INPP5A: variants seen among roughly 807,000 people sequenced by gnomAD.
INPP5A encodes the protein inositol polyphosphate-5-phosphatase A.
INPP5A carries 14 observed loss-of-function variants against 65.2 expected under a neutral mutation model. The observed-to-expected ratio is 0.21, with a 90% CI of 0.14 to 0.34. INPP5A has a LOEUF of 0.34. Ranked by LOEUF, INPP5A falls within the 10% of genes least tolerant of loss-of-function variation. The probability of loss-of-function intolerance (pLI) is 1.00; values close to 1 mark genes in which losing one functional copy is unlikely to be tolerated. For synonymous variants in INPP5A, 207 were observed against 208.3 expected, an observed-to-expected ratio of 0.99 and a Z score of 0.05; for missense variants, 431 against 545.6, an observed-to-expected ratio of 0.79 and a Z score of 2.09.
chr10:132,758,553 C>T (rs925260259), intron 11 of INPP5A, among the ~76,000 whole-genome samples: 1 of 151,620 alleles, frequency 6.6e-6, no homozygotes, highest in Admixed American at 6.6e-5. Flanking sequence ...CCCCAGCTGA[C>T]CCTATGGGCC....
At chr10:132,701,109 G>A (rs936382225) in intron 6 of INPP5A, among the ~76,000 whole-genome samples, 1 of 152,146 alleles carries the variant, frequency 6.6e-6, no homozygotes, top group African/African-American at 2.4e-5. Context: ...TAACCTCCCC[G>A]CAGCCTCTCT....
At chr10:132,757,342 G>A (rs145650829) in intron 11 of INPP5A, among the ~76,000 whole-genome samples, 5 of 152,222 alleles carry the variant, frequency 3.3e-5, no homozygotes, top group Non-Finnish European at 5.9e-5. Context: ...GCGGGGCTCC[G>A]CAGAGGTGCA....
chr10:132,725,929 C>T (rs946219054), intron 8 of INPP5A, among the ~76,000 whole-genome samples: 3 of 151,984 alleles, frequency 2.0e-5, no homozygotes, highest in African/African-American at 7.3e-5. Flanking sequence ...TTTTGGTGGC[C>T]AATGCCACGT....
intron 1 of INPP5A, among the ~76,000 whole-genome samples, chr10:132,563,459 A>G (rs1467693504): frequency 2.0e-5 from 3 of 152,220 alleles, no homozygotes; most frequent in Non-Finnish European, 4.4e-5. Context: ...CGTCATCTTC[A>G]TGAGTTCACA....
intron 1 of INPP5A, among the ~76,000 whole-genome samples, chr10:132,589,288 G>C (rs114564555): frequency 1.3e-5 from 2 of 152,262 alleles, no homozygotes; most frequent in Non-Finnish European, 2.9e-5. Flanking sequence ...GGCCACGTGC[G>C]CATGCGGGCT....
chr10:132,597,006 C>T (rs567943697), intron 1 of INPP5A, among the ~76,000 whole-genome samples: 58 of 143,528 alleles, frequency 4.0e-4, no homozygotes, highest in Middle Eastern at 4.3e-3. Context: ...TTTGTGTGCA[C>T]GCTCCTGTAC....
At chr10:132,767,507 T>G (rs1846868778) in intron 12 of INPP5A, among the ~76,000 whole-genome samples, 1 of 152,188 alleles carries the variant, frequency 6.6e-6, no homozygotes, top group South Asian at 2.1e-4. Flanking sequence ...CCTCACGAGC[T>G]TCTTCCTGTT....
At chr10:132,584,396 C>A (rs2492771) in intron 1 of INPP5A, among the ~76,000 whole-genome samples, 38,098 of 152,068 alleles carry the variant, frequency 0.25, 5,539 homozygotes, top group East Asian at 0.5. Context: ...TTTGATATGA[C>A]TCAAATTTCT....
intron 1 of INPP5A, among the ~76,000 whole-genome samples, chr10:132,580,931 T>A (rs1030489151): frequency 6.6e-6 from 1 of 152,228 alleles, no homozygotes; most frequent in Admixed American, 6.5e-5. Context: ...AATATACAGA[T>A]CCTAAGTACA....
At chr10:132,688,586 A>C (rs1260044396) in intron 4 of INPP5A, among the ~76,000 whole-genome samples, 2 of 152,178 alleles carry the variant, frequency 1.3e-5, no homozygotes, top group African/African-American at 4.8e-5. Flanking sequence ...ACAAAGCAAG[A>C]GTGCATGAGT....
At chr10:132,569,735 C>T (rs1478362657) in intron 1 of INPP5A, among the ~76,000 whole-genome samples, 5 of 150,996 alleles carry the variant, frequency 3.3e-5, no homozygotes, top group Non-Finnish European at 5.9e-5. Context: ...AACTCCTGAC[C>T]TCAGGTGATC....
At position 132,560,344 on chromosome 10, in the gene INPP5A, CTCTT is replaced by C. The variant is rs575143833; in HGVS notation, c.75+22176_75+22179del. 1.2e-3 allele frequency among the ~76,000 whole-genome samples: 181 copies of C among 152,314 alleles called. 1 individual carries two copies. Among genetic ancestry groups the C allele is most frequent in the African/African-American group, 3.8e-3 (158 of 41,560 alleles). Reference sequence around the variant, plus strand: ...TCTGACTTTTTAAGGAACTGCCAGACTCTTTCCACAGCAGCTGCAGCATTTTTCG... The same window carrying C: ...TCTGACTTTTTAAGGAACTGCCAGACTCCACAGCAGCTGCAGCATTTTTCG... On this transcript the variant is annotated intron_variant, in intron 1 of 15. Transcript: ENST00000368594.
chr10:132,688,679 G>A (rs544388551), intron 4 of INPP5A, among the ~76,000 whole-genome samples: 9 of 151,816 alleles, frequency 5.9e-5, no homozygotes, highest in African/African-American at 1.5e-4. Context: ...AAGTGTGTGC[G>A]TGTGCATGAG....
Position 132,685,215 on chromosome 10 carries a change from G to A in INPP5A, c.307-5177G>A, listed in dbSNP as rs1039390174. Among the ~76,000 whole-genome samples the A allele has an allele frequency of 2.6e-5, 4 of 152,250 alleles. No individual in the cohort carries two copies. The South Asian group carries it at 6.2e-4, about 24-fold the overall frequency. ...GCCTTAGTCAGGGCTCCCCTGGGCC[G>A]CGGGCCGTGGCCTCCTCCCTCAACA... On this transcript the variant is annotated intron_variant, in intron 4 of 15. Transcript: ENST00000368594.
chr10:132,692,590 C>G (rs1440742023), intron 5 of INPP5A, among the ~76,000 whole-genome samples: 1 of 152,128 alleles, frequency 6.6e-6, no homozygotes, highest in Non-Finnish European at 1.5e-5. Context: ...TGTAAAGGAA[C>G]AAGGATAACA....
intron 2 of INPP5A, among the ~76,000 whole-genome samples, chr10:132,630,556 G>A (rs1472223739): frequency 1.2e-5 from 1 of 85,516 alleles, no homozygotes; most frequent in Non-Finnish European, 2.4e-5. Context: ...TGTCCATGAG[G>A]GGAAGACATC....
In INPP5A at chr10:132,538,981, C is replaced by T. The variant is rs148497841; in HGVS notation, c.75+810C>T. Among the ~76,000 whole-genome samples the T allele has an allele frequency of 1.8e-4, 27 of 152,146 alleles. No homozygotes were observed. The highest frequency in any genetic ancestry group is 6.5e-4 in the African/African-American group (27 of 41,414). On this transcript the variant is annotated intron_variant, in intron 1 of 15. Transcript: ENST00000368594. The surrounding 1 kb of genome is among the most constrained non-coding windows in gnomAD (Gnocchi z 4.1). Reference sequence around the variant, plus strand: ...TGTCCTTGACCCCTGAACCTGGAACCCTGGTTCCAGAATCAGGCCCCAAAC... The same window carrying T: ...TGTCCTTGACCCCTGAACCTGGAACTCTGGTTCCAGAATCAGGCCCCAAAC...
intron 4 of INPP5A, among the ~76,000 whole-genome samples, chr10:132,677,076 C>CTAGGTTCAGT (rs2072976511): frequency 6.6e-6 from 1 of 151,492 alleles, no homozygotes. Context: ...AACTGTAGAC[C>CTAGGTTCAGT]CACAGGTATT....
At chr10:132,774,667 C>T (rs1026291736) in intron 12 of INPP5A, among the ~76,000 whole-genome samples, 15 of 151,976 alleles carry the variant, frequency 9.9e-5, no homozygotes, top group Non-Finnish European at 1.6e-4. Context: ...GGGCCCGTGG[C>T]GACCCTACCT....
Sources: allele counts gnomAD v4.1 joint callset (sites outside exome capture counted in the v4.1 genomes callset), GRCh38; gene constraint gnomAD v4.1.1; non-coding constraint Gnocchi (gnomAD v3.1); transcripts MANE v1.5; gene names NCBI Gene and HGNC (gene_info 2026-07-23, HGNC 2026-07-21).